Variants in MTUS1 observed in about 807,000 individuals in gnomAD.
MTUS1 encodes microtubule-associated tumor suppressor 1.
A neutral mutation model predicts 120.8 loss-of-function variants in MTUS1; 109 were observed. The observed-to-expected ratio is 0.90, with a 90% CI of 0.77 to 1.06. The LOEUF (loss-of-function observed/expected upper bound fraction) is 1.06, where lower values mean the gene tolerates loss of function less well. MTUS1 is among the 50% of genes least tolerant of loss of function. The probability of loss-of-function intolerance (pLI) is 0.00; values close to 1 mark genes in which losing one functional copy is unlikely to be tolerated. For synonymous variants in MTUS1, 737 were observed against 550.5 expected (o/e 1.34, Z -4.74); for missense variants, 2,210 against 1,486.3 (o/e 1.49, Z -8.01).
chr8:17,761,180 T>A (rs2049011757), intron 1 of MTUS1, among the ~76,000 whole-genome samples: 1 of 152,082 alleles, frequency 6.6e-6, no homozygotes, highest in Non-Finnish European at 1.5e-5. Context: ...AAAGAAATGG[T>A]CAAAGAACTA....
At chr8:17,757,929 A>T (rs1366056550) in intron 1 of MTUS1, among the ~76,000 whole-genome samples, 1 of 152,198 alleles carries the variant, frequency 6.6e-6, no homozygotes, top group Non-Finnish European at 1.5e-5. Flanking sequence ...GTCATTGTGA[A>T]TCCTAAAATG....
intron 8 of MTUS1, among the ~76,000 whole-genome samples, chr8:17,657,958 C>A (rs116959239): frequency 0.027 from 3,957 of 149,070 alleles, 139 homozygotes; most frequent in South Asian, 0.13. Context: ...TATATGTATG[C>A]ATATATACAT....
chr8:17,671,949 G>A (rs1404959087), intron 8 of MTUS1, among the ~76,000 whole-genome samples: 3 of 152,122 alleles, frequency 2.0e-5, no homozygotes, highest in South Asian at 2.1e-4. Flanking sequence ...CCACAATAAC[G>A]CAGCAAAATA....
chr8:17,684,626 T>A (rs1323629309), intron 6 of MTUS1, 84 bp from the exon 7 acceptor site: 2 of 1,062,876 alleles, frequency 1.9e-6, no homozygotes, highest in Middle Eastern at 2.3e-4. Context: ...AACAACCAGA[T>A]AAGCCACAGA....
At position 17,660,558 on chromosome 8, in the gene MTUS1, T is replaced by A. The variant is rs1231286797; in HGVS notation, c.2906-4493A>T. Among the ~76,000 whole-genome samples, 3 of 152,244 alleles carry A rather than the reference T, an allele frequency of 2.0e-5. No individual in the cohort carries two copies. In the East Asian group the frequency reaches 5.8e-4, roughly 29 times the overall value. On this transcript the variant is annotated intron_variant, in intron 8 of 14. Transcript: ENST00000693296. ...CTTTGGTGTATATACCCAGAAGGAA[T>A]TGCTGACTCATATGGCAATTCTATT...
chr8:17,757,909 C>G (rs1242752781), intron 1 of MTUS1, among the ~76,000 whole-genome samples: 3 of 152,184 alleles, frequency 2.0e-5, no homozygotes, highest in Admixed American at 1.3e-4. Context: ...CAAGCTAGGA[C>G]TGCAAACAGG....
In MTUS1 at chr8:17,743,639, AC is replaced by A; in HGVS notation, c.2251del (p.Val751TyrfsTer18). 1 of 1,614,132 alleles carries A rather than the reference AC, an allele frequency of 6.2e-7. No homozygotes were observed. Among genetic ancestry groups the A allele is most frequent in the Non-Finnish European group, 8.5e-7 (1 of 1,180,014 alleles). ...CACACGCCTGATCCTCTGAGGAGAT[AC>A]GGCTCGATCAGCACTGGGATTTCTA... ...DNRNPSADRA[V>X]SPQRIRRVSS... On this transcript the variant is annotated frameshift_variant, in exon 3 of 15. Transcript: ENST00000693296. LOFTEE classifies it high-confidence loss of function.
intron 1 of MTUS1, among the ~76,000 whole-genome samples, chr8:17,780,165 T>C (rs6986061): frequency 0.44 from 67,420 of 151,796 alleles, 17,386 homozygotes; most frequent in Non-Finnish European, 0.59. Context: ...ACACTTCCTA[T>C]GGCTTTGCCC....
chr8:17,772,188 T>C (rs535992920), intron 1 of MTUS1, among the ~76,000 whole-genome samples: 2 of 152,328 alleles, frequency 1.3e-5, no homozygotes, highest in South Asian at 2.1e-4. Flanking sequence ...ATGGCATGAA[T>C]ACTGCAGACT....
chr8:17,646,273 A>T, intron 14 of MTUS1, 134 bp from the exon 15 acceptor site: 1 of 1,025,410 alleles, frequency 9.8e-7, no homozygotes, highest in Non-Finnish European at 1.4e-6. Context: ...ACAAGGTCAC[A>T]GGTATTTGGC....
intron 1 of MTUS1, among the ~76,000 whole-genome samples, chr8:17,768,658 T>A (rs1460026468): frequency 6.6e-6 from 1 of 152,148 alleles, no homozygotes; most frequent in African/African-American, 2.4e-5. Context: ...TTAGAACATT[T>A]TTATACAAAC....
At chr8:17,740,193 G>A (rs550438652) in intron 3 of MTUS1, among the ~76,000 whole-genome samples, 3 of 151,704 alleles carry the variant, frequency 2.0e-5, no homozygotes, top group African/African-American at 7.3e-5. Flanking sequence ...GATCAACAGA[G>A]CGAGACTCCG....
At chr8:17,747,270 TTTC>T (rs2047833825) in intron 2 of MTUS1, among the ~76,000 whole-genome samples, 1 of 152,196 alleles carries the variant, frequency 6.6e-6, no homozygotes. Context: ...TCTTCTCATA[TTTC>T]TTCAGCTTTG....
intron 1 of MTUS1, among the ~76,000 whole-genome samples, chr8:17,777,028 A>G (rs1212891192): frequency 6.6e-6 from 1 of 152,164 alleles, no homozygotes; most frequent in Non-Finnish European, 1.5e-5. Flanking sequence ...CTCTGAACAC[A>G]GCCCCTCCTA....
At position 17,668,145 on chromosome 8, in the gene MTUS1, C is replaced by T. The variant is rs370658825; in HGVS notation, c.2905+7041G>A. 6.6e-5 allele frequency among the ~76,000 whole-genome samples: 10 copies of T among 152,306 alleles called. No homozygotes were observed. The South Asian group carries it at 1.5e-3, about 22-fold the overall frequency. Reference sequence around the variant, plus strand: ...AAGCTTGTCCAACTCACAGCCTGCACGTGGCCCAGGACAGCTTTGAATGCG... The same window carrying T: ...AAGCTTGTCCAACTCACAGCCTGCATGTGGCCCAGGACAGCTTTGAATGCG... On this transcript the variant is annotated intron_variant, in intron 8 of 14. Coordinates refer to ENST00000693296, the MANE Select transcript of MTUS1 (RefSeq NM_001363059.2).
intron 6 of MTUS1, among the ~76,000 whole-genome samples, chr8:17,687,109 T>C (rs747604944): frequency 7.2e-5 from 11 of 152,252 alleles, no homozygotes; most frequent in Admixed American, 6.5e-4. Flanking sequence ...AAAGAACACA[T>C]TGATGTATTC....
At chr8:17,702,833 A>G (rs1413991834) in intron 6 of MTUS1, among the ~76,000 whole-genome samples, 2 of 152,194 alleles carry the variant, frequency 1.3e-5, no homozygotes, top group Non-Finnish European at 2.9e-5. Context: ...TGTTGCAGGG[A>G]GTCAGGGACC....
chr8:17,703,046 T>A (rs748602492), intron 6 of MTUS1, among the ~76,000 whole-genome samples: 2 of 152,178 alleles, frequency 1.3e-5, no homozygotes, highest in African/African-American at 4.8e-5. Flanking sequence ...ACAATCTGAT[T>A]GCAAAATGTT....
intron 1 of MTUS1, among the ~76,000 whole-genome samples, chr8:17,761,341 T>C (rs2049023533): frequency 1.3e-5 from 2 of 152,224 alleles, no homozygotes; most frequent in African/African-American, 4.8e-5. Context: ...TGAATCATTA[T>C]ATTAATTACA....
Sources: allele counts gnomAD v4.1 joint callset (sites outside exome capture counted in the v4.1 genomes callset), GRCh38; gene constraint gnomAD v4.1.1; transcripts MANE v1.5; gene names NCBI Gene and HGNC (gene_info 2026-07-23, HGNC 2026-07-21).